The following MACROD2 variants were observed in gnomAD, a reference collection of about 807,000 sequenced individuals.
MACROD2 encodes mono-ADP ribosylhydrolase 2, also known as ADP-ribose glycohydrolase MACROD2.
In MACROD2, 36 loss-of-function variants were observed where a neutral mutation model predicts 70.4. That is an observed-to-expected ratio of 0.51 (90% CI 0.39 to 0.68). MACROD2 has a LOEUF of 0.68. MACROD2 is among the 30% of genes least tolerant of loss of function. The pLI is 0.00. For synonymous variants in MACROD2, 172 were observed against 178.8 expected (o/e 0.96, Z 0.30); for missense variants, 496 against 538.4 (o/e 0.92, Z 0.78).
chr20:16,006,902 A>G (rs899427642), intron 15 of MACROD2, among the ~76,000 whole-genome samples: 10 of 152,204 alleles, frequency 6.6e-5, no homozygotes, highest in Admixed American at 4.6e-4. Flanking sequence ...TGTCTCAAGT[A>G]CACTAATCAG....
rs536440533 is a variant in MACROD2, at chr20:15,023,934, A to G, written c.419-206006A>G. On this transcript the variant is annotated intron_variant, in intron 5 of 17. Coordinates refer to ENST00000684519, the MANE Select transcript of MACROD2 (RefSeq NM_001351661.2). ...GTGTCTTCATTGGTCAAATGGGGATAAAGGTACTACCACCTTGGAAGCCTC... is the reference window on the plus strand; with the variant it reads ...GTGTCTTCATTGGTCAAATGGGGATGAAGGTACTACCACCTTGGAAGCCTC... Among the ~76,000 whole-genome samples, 193 of 152,248 alleles carry G rather than the reference A, an allele frequency of 1.3e-3. 2 individuals carry two copies. The highest frequency in any genetic ancestry group is 6.8e-3 in the South Asian group (33 of 4,818).
At chr20:15,507,249 C>T (rs2047437012) in intron 8 of MACROD2, among the ~76,000 whole-genome samples, 1 of 150,710 alleles carries the variant, frequency 6.6e-6, no homozygotes, top group African/African-American at 2.5e-5. Flanking sequence ...CTACCGTTCT[C>T]TTTCTCTCTC....
intron 8 of MACROD2, among the ~76,000 whole-genome samples, chr20:15,502,975 G>A (rs185587518): frequency 1.3e-5 from 2 of 152,286 alleles, no homozygotes; most frequent in Non-Finnish European, 2.9e-5. Flanking sequence ...AAGGAATGAT[G>A]TATATAACTT....
chr20:15,718,273 AC>A (rs1253683657), intron 8 of MACROD2, among the ~76,000 whole-genome samples: 1 of 151,898 alleles, frequency 6.6e-6, no homozygotes, highest in Admixed American at 6.6e-5. Context: ...ACAGGCATGA[AC>A]CACCGTGGAT....
chr20:15,727,125 C>A (rs2050875133), intron 8 of MACROD2, among the ~76,000 whole-genome samples: 1 of 152,020 alleles, frequency 6.6e-6, no homozygotes, highest in South Asian at 2.1e-4. Flanking sequence ...TTTGTATATG[C>A]TATAAGGAAG....
intron 3 of MACROD2, among the ~76,000 whole-genome samples, chr20:14,361,951 G>T (rs2083225643): frequency 1.3e-5 from 2 of 152,242 alleles, no homozygotes; most frequent in African/African-American, 4.8e-5. Flanking sequence ...ACTTTCTAGA[G>T]CCCATTTATT....
chr20:14,046,685 C>T (rs938062264), intron 2 of MACROD2, among the ~76,000 whole-genome samples: 1 of 151,856 alleles, frequency 6.6e-6, no homozygotes, highest in Non-Finnish European at 1.5e-5. Context: ...TGTTCATCTT[C>T]CTTTTTCCCC....
intron 4 of MACROD2, among the ~76,000 whole-genome samples, chr20:14,540,592 C>T (rs1251565086): frequency 2.5e-4 from 38 of 152,252 alleles, no homozygotes; most frequent in Non-Finnish European, 2.9e-5. Flanking sequence ...AAGGCCAATC[C>T]TGCCAGTCTC....
chr20:15,510,821 A>C (rs1300733647), intron 8 of MACROD2, among the ~76,000 whole-genome samples: 1 of 152,226 alleles, frequency 6.6e-6, no homozygotes, highest in African/African-American at 2.4e-5. Context: ...GGGCTGGCTA[A>C]CGTGCTGTCC....
chr20:14,003,776 A>G, intron 2 of MACROD2: 1 of 380,502 alleles, frequency 2.6e-6, no homozygotes, highest in South Asian at 1.9e-5. Flanking sequence ...TCTTGTACAA[A>G]GGTTAAAAAA....
At chr20:15,588,404 C>A (rs993194959) in intron 8 of MACROD2, among the ~76,000 whole-genome samples, 1 of 152,234 alleles carries the variant, frequency 6.6e-6, no homozygotes, top group South Asian at 2.1e-4. Flanking sequence ...ATTTTCCTCA[C>A]GGTCTTAGGG....
chr20:16,033,440 T>C (rs767888138), intron 15 of MACROD2, among the ~76,000 whole-genome samples: 1 of 152,088 alleles, frequency 6.6e-6, no homozygotes, highest in African/African-American at 2.4e-5. Flanking sequence ...GGCTGTATAA[T>C]AGAATAATGA....
At chr20:14,891,564 T>C (rs1402567448) in intron 5 of MACROD2, among the ~76,000 whole-genome samples, 1 of 152,184 alleles carries the variant, frequency 6.6e-6, no homozygotes, top group Non-Finnish European at 1.5e-5. Flanking sequence ...CGGTATGCAA[T>C]AAATATGTGT....
intron 2 of MACROD2, among the ~76,000 whole-genome samples, chr20:14,036,886 A>G (rs967639285): frequency 6.6e-6 from 1 of 152,190 alleles, no homozygotes; most frequent in Non-Finnish European, 1.5e-5. Context: ...CATGTTGATT[A>G]TTCAGCATTG....
rs1295519248 is a variant in MACROD2 at position 14,749,554 on chromosome 20, A to G, written c.418+64595A>G. ...ATCATGATTCTTTGAACTTCAAAGTATACCCCCAAAATATAATATGTGAAC... is the reference window on the plus strand; with the variant it reads ...ATCATGATTCTTTGAACTTCAAAGTGTACCCCCAAAATATAATATGTGAAC... On this transcript the variant is annotated intron_variant, in intron 5 of 17. Coordinates refer to ENST00000684519, the MANE Select transcript of MACROD2 (RefSeq NM_001351661.2). Among the ~76,000 whole-genome samples the G allele has an allele frequency of 3.3e-5, 5 of 152,134 alleles. No homozygotes were observed. In the East Asian group the frequency reaches 5.8e-4, roughly 18 times the overall value.
intron 3 of MACROD2, among the ~76,000 whole-genome samples, chr20:14,338,352 A>G (rs1222333748): frequency 6.6e-6 from 1 of 152,132 alleles, no homozygotes; most frequent in African/African-American, 2.4e-5. Flanking sequence ...GGGCAACAAG[A>G]ACGAAACTCC....
intron 2 of MACROD2, among the ~76,000 whole-genome samples, chr20:14,026,690 G>A (rs1404628405): frequency 6.6e-6 from 1 of 152,144 alleles, no homozygotes; most frequent in Non-Finnish European, 1.5e-5. Flanking sequence ...CTTCTGGCTT[G>A]TAGGGTTTCT....
At chr20:15,776,091 A>G (rs2051716954) in intron 8 of MACROD2, among the ~76,000 whole-genome samples, 1 of 152,174 alleles carries the variant, frequency 6.6e-6, no homozygotes, top group Non-Finnish European at 1.5e-5. Flanking sequence ...GTTTTTGGCA[A>G]TGCTTCACAA....
intron 7 of MACROD2, among the ~76,000 whole-genome samples, chr20:15,498,975 A>G (rs2047332160): frequency 1.3e-5 from 2 of 152,172 alleles, no homozygotes. Context: ...AGTTACTCCT[A>G]TCTCTTCTGC....
Sources: allele counts gnomAD v4.1 joint callset (sites outside exome capture counted in the v4.1 genomes callset), GRCh38; gene constraint gnomAD v4.1.1; transcripts MANE v1.5; gene names NCBI Gene and HGNC (gene_info 2026-07-23, HGNC 2026-07-21).